TMEM204: variants seen among roughly 807,000 people sequenced by gnomAD.
TMEM204 encodes transmembrane protein 204.
In TMEM204, 15 loss-of-function variants were observed where a neutral mutation model predicts 19.4. The ratio of observed to expected loss-of-function variants is 0.77; its 90% CI spans 0.52 to 1.19. The LOEUF is 1.19. TMEM204 is among the 50% of genes most tolerant of loss of function. TMEM204 has a pLI of 0.00. For missense variants in TMEM204, 287 were observed against 321.2 expected (o/e 0.89, Z 0.81); for synonymous variants, 161 against 146.0 (o/e 1.10, Z -0.74).
intron 2 of TMEM204, among the ~76,000 whole-genome samples, chr16:1,542,572 A>G (rs1567349603): frequency 6.6e-6 from 1 of 152,128 alleles, no homozygotes; most frequent in Non-Finnish European, 1.5e-5. Context: ...TCTGTTATAA[A>G]CGCAGCTTCC....
chr16:1,535,811 GGACCAACAGCCGTCTTTTAAAAA>G (rs1347820189), intron 1 of TMEM204, among the ~76,000 whole-genome samples: 6 of 152,210 alleles, frequency 3.9e-5, no homozygotes, highest in Non-Finnish European at 7.3e-5. Flanking sequence ...TCACCAGCAG[GGACCAACAGCCGTCTTTTAAAAA>G]GATCAAAGCC....
rs1412880845 is a variant in TMEM204, at chr16:1,534,520, C to T, written c.245C>T (p.Ala82Val). ...DCEALGWGSE[A>V]AGFQESRGTV... ...GAGGCGCTGGGCTGGGGCTCCGAGG[C>T]AGCCGGCTTCCAGGAGTCCCGAGGC... Residue 82 changes from alanine (A) to valine (V), a missense_variant, in exon 1 of 3, where the codon GCA becomes GTA. Coordinates refer to ENST00000566264, the MANE Select transcript of TMEM204 (RefSeq NM_024600.6). The T allele has an allele frequency of 3.1e-6, 5 of 1,606,828 alleles. No homozygotes were observed. The South Asian group carries it at 5.5e-5, about 18-fold the overall frequency.
At position 1,542,014 on chromosome 16, in the gene TMEM204, C is replaced by T; in HGVS notation, c.374C>T (p.Pro125Leu). 2 of 1,611,448 alleles carry T rather than the reference C, an allele frequency of 1.2e-6. No homozygotes were observed. Among genetic ancestry groups the T allele is most frequent in the Non-Finnish European group, 1.7e-6 (2 of 1,179,646 alleles). Residue 125 changes from proline (P) to leucine (L), a missense_variant, in exon 2 of 3, where the codon CCC becomes CTC. By Grantham distance (98) the Pro-to-Leu change is moderately conservative. Transcript: ENST00000566264. ...LTFLLGLVGLPLLSPDAPCWE... is the reference protein window; with the variant it reads ...LTFLLGLVGLLLLSPDAPCWE... Reference sequence around the variant, plus strand: ...TTCCTCCTGGGGCTGGTGGGCCTGCCCCTGCTGTCACCCGACGCCCCGTGC... The same window carrying T: ...TTCCTCCTGGGGCTGGTGGGCCTGCTCCTGCTGTCACCCGACGCCCCGTGC...
intron 2 of TMEM204, among the ~76,000 whole-genome samples, chr16:1,552,146 G>A (rs1384914044): frequency 6.6e-6 from 1 of 152,138 alleles, no homozygotes; most frequent in African/African-American, 2.4e-5. Context: ...ACACGTTTCT[G>A]TAACACCCGC....
At position 1,541,147 on chromosome 16, in the gene TMEM204, G is replaced by T. The variant is rs999797688; in HGVS notation, c.281-774G>T. ...CGCATCCATGTGCCCTGCCCACCTG[G>T]CTCCTGCAACCAGGTGTAGGTGGGG... On this transcript the variant is annotated intron_variant, in intron 1 of 2. Transcript: ENST00000566264. 13 of 985,282 alleles carry T rather than the reference G, an allele frequency of 1.3e-5. No homozygotes were observed. The Admixed American group carries it at 7.4e-4, about 56-fold the overall frequency. 61.0% of individuals were successfully genotyped at this position (985,282 alleles called of 1,614,324 possible).
chr16:1,553,657 G>C lies in TMEM204; in HGVS notation c.437-1125G>C. 1 of 1,067,786 alleles carries C rather than the reference G, an allele frequency of 9.4e-7. No individual in the cohort carries two copies. Among genetic ancestry groups the C allele is most frequent in the Non-Finnish European group, 1.1e-6 (1 of 876,518 alleles). The allele number at this position is 1,067,786 out of a possible 1,614,324, so 66.1% of individuals were successfully genotyped here. On this transcript the variant is annotated intron_variant, in intron 2 of 2. Coordinates refer to ENST00000566264, the MANE Select transcript of TMEM204 (RefSeq NM_024600.6). The surrounding 1 kb of genome is among the most constrained non-coding windows in gnomAD (Gnocchi z 4.4). Reference sequence around the variant, plus strand: ...CTGTAACAGAGAGGGAGGGGTGCTGGGTGGGCAGAAGCGGGGCTGGGGCTG... The same window carrying C: ...CTGTAACAGAGAGGGAGGGGTGCTGCGTGGGCAGAAGCGGGGCTGGGGCTG...
At chr16:1,528,857 GAGA>G (rs1476143788), upstream of TMEM204, 3 of 152,264 alleles carry the variant, frequency 2.0e-5, no homozygotes, top group African/African-American at 4.8e-5. Flanking sequence ...CTGCCCCTGT[GAGA>G]AGGAGGGGCT....
rs781482681 is a variant in TMEM204 at position 1,554,923 on chromosome 16, A to G, written c.578A>G (p.Lys193Arg). Residue 193 changes from lysine (K) to arginine (R), a missense_variant, in exon 3 of 3, where the codon AAG becomes AGG. Transcript: ENST00000566264. ...AAMLIWNILH[K>R]REDCMAPRVI... ...ATGCTCATCTGGAACATTCTCCACAAGAGGGAGGACTGCATGGCCCCCCGG... is the reference window on the plus strand; with the variant it reads ...ATGCTCATCTGGAACATTCTCCACAGGAGGGAGGACTGCATGGCCCCCCGG... 3 of 1,614,186 alleles carry G rather than the reference A, an allele frequency of 1.9e-6. No individual in the cohort carries two copies. Among genetic ancestry groups the G allele is most frequent in the South Asian group, 1.1e-5 (1 of 91,084 alleles).
intron 1 of TMEM204, chr16:1,541,086 A>G (rs895987522): frequency 3.0e-6 from 3 of 985,274 alleles, no homozygotes; most frequent in Admixed American, 6.1e-5. Flanking sequence ...CTCCCTCTGA[A>G]GTTCACTCAC....
rs758912889 is a variant in TMEM204, at chr16:1,534,305, C to T, written c.30C>T (p.Ala10=). MTVQRLVAA[A]VLVALVSLIL... Reference sequence around the variant, plus strand: ...CCGTGCAGAGACTCGTGGCCGCGGCCGTGCTGGTGGCCCTGGTCTCACTCA... The same window carrying T: ...CCGTGCAGAGACTCGTGGCCGCGGCTGTGCTGGTGGCCCTGGTCTCACTCA... Residue 10 remains alanine, a synonymous_variant, in exon 1 of 3, where the codon GCC becomes GCT. Coordinates refer to ENST00000566264, the MANE Select transcript of TMEM204 (RefSeq NM_024600.6). The T allele has an allele frequency of 1.4e-5, 22 of 1,612,546 alleles. No individual in the cohort carries two copies. Among genetic ancestry groups the T allele is most frequent in the Non-Finnish European group, 1.7e-5 (20 of 1,179,856 alleles).
chr16:1,535,724 G>A (rs2030996523), intron 1 of TMEM204, among the ~76,000 whole-genome samples: 2 of 152,338 alleles, frequency 1.3e-5, no homozygotes, highest in African/African-American at 4.8e-5. Flanking sequence ...TCCCACGAGG[G>A]AATTCAACCC....
At chr16:1,541,612 C>A (rs1195645444) in intron 1 of TMEM204, 1 of 504,826 alleles carries the variant, frequency 2.0e-6, no homozygotes, top group Non-Finnish European at 2.6e-6. Context: ...TCAAGTCAGG[C>A]AGAGAGGAAC....
At chr16:1,543,008 C>T (rs560100181) in intron 2 of TMEM204, among the ~76,000 whole-genome samples, 1 of 152,378 alleles carries the variant, frequency 6.6e-6, no homozygotes, top group East Asian at 1.9e-4. Flanking sequence ...CCAGCGACCC[C>T]AGGGGGCTCT....
At position 1,534,231 on chromosome 16, in the gene TMEM204, T is replaced by C. The variant is rs1362735193; in HGVS notation, c.-45T>C. The C allele has an allele frequency of 6.2e-7, 1 of 1,601,192 alleles. No homozygotes were observed. The highest frequency in any genetic ancestry group is 8.5e-7 in the Non-Finnish European group (1 of 1,178,220). ...TCTCCCTGGACGTGCGGCCGCGGACTGGGACTTGGCTTTCTCCGGATAAGC... is the reference window on the plus strand; with the variant it reads ...TCTCCCTGGACGTGCGGCCGCGGACCGGGACTTGGCTTTCTCCGGATAAGC... On this transcript the variant is annotated 5_prime_UTR_variant, in exon 1 of 3. Coordinates refer to ENST00000566264, the MANE Select transcript of TMEM204 (RefSeq NM_024600.6).
chr16:1,534,573 C>G lies in TMEM204; in HGVS notation c.280+18C>G, dbSNP rs765738977. On this transcript the variant is annotated intron_variant, in intron 1 of 2. Coordinates refer to ENST00000566264, the MANE Select transcript of TMEM204 (RefSeq NM_024600.6). Reference sequence around the variant, plus strand: ...CGTCAAACGTAAGTCCAATTGTTTTCCTGATGCCTTCAGCGTGGCCGAGGC... The same window carrying G: ...CGTCAAACGTAAGTCCAATTGTTTTGCTGATGCCTTCAGCGTGGCCGAGGC... 3 of 1,599,386 alleles carry G rather than the reference C, an allele frequency of 1.9e-6. No homozygotes were observed. The highest frequency in any genetic ancestry group is 4.5e-5 in the East Asian group (2 of 44,870).
Position 1,551,183 on chromosome 16 carries a change from GTGGTC to G in TMEM204, c.437-3598_437-3594del, listed in dbSNP as rs2032604246. 6.6e-6 allele frequency among the ~76,000 whole-genome samples: 1 copy of G among 152,258 alleles called. No individual in the cohort carries two copies. The highest frequency in any genetic ancestry group is 6.5e-5 in the Admixed American group (1 of 15,288). ...ATTGCGGAGAGACTTCTGGGAAGCT[GTGGTC>G]AATGGTGGGGCAAGTTCTGGCCCCG... On this transcript the variant is annotated intron_variant, in intron 2 of 2. Transcript: ENST00000566264. This position sits in a 1 kb window ranked among gnomAD's most constrained non-coding sequence, Gnocchi z 4.0.
intron 2 of TMEM204, among the ~76,000 whole-genome samples, chr16:1,546,512 C>T (rs1482341465): frequency 6.6e-6 from 1 of 152,232 alleles, no homozygotes; most frequent in Non-Finnish European, 1.5e-5. Context: ...GTCAGCAATG[C>T]TCGCAGCTGT....
At position 1,553,454 on chromosome 16, in the gene TMEM204, G is replaced by A; in HGVS notation, c.437-1328G>A. ...GAGACCGGCATGAACAGACGCACAG[G>A]TGTCAACATGCAGGCCAGGCGGAGG... On this transcript the variant is annotated intron_variant, in intron 2 of 2. Transcript: ENST00000566264. This position sits in a 1 kb window ranked among gnomAD's most constrained non-coding sequence, Gnocchi z 4.4. 1 of 985,456 alleles carries A rather than the reference G, an allele frequency of 1.0e-6. No individual in the cohort carries two copies. The highest frequency in any genetic ancestry group is 1.2e-6 in the Non-Finnish European group (1 of 829,940). The allele number at this position is 985,456 out of a possible 1,614,324, so 61.0% of individuals were successfully genotyped here.
At chr16:1,546,646 G>A (rs1231151834) in intron 2 of TMEM204, among the ~76,000 whole-genome samples, 1 of 152,188 alleles carries the variant, frequency 6.6e-6, no homozygotes, top group Non-Finnish European at 1.5e-5. Context: ...TGTCTCCCTC[G>A]GGGGCGCAAA....
Sources: gnomAD v4.1 joint callset for allele counts (sites outside exome capture counted in the v4.1 genomes callset) on GRCh38, gnomAD v4.1.1 for gene constraint, Gnocchi (gnomAD v3.1) non-coding constraint, MANE v1.5 for transcripts, NCBI Gene and HGNC (gene_info 2026-07-23, HGNC 2026-07-21) for gene names.